Variants in PTPRK observed in about 807,000 individuals in gnomAD.
PTPRK encodes protein tyrosine phosphatase receptor type K.
A neutral mutation model predicts 178.0 loss-of-function variants in PTPRK; 75 were observed. The ratio of observed to expected loss-of-function variants is 0.42; its 90% CI spans 0.35 to 0.51. The LOEUF (loss-of-function observed/expected upper bound fraction) is 0.51. PTPRK is among the 20% of genes least tolerant of loss of function. PTPRK has a pLI of 0.02. For synonymous variants in PTPRK, 637 were observed against 620.6 expected (o/e 1.03, Z -0.39); for missense variants, 1,441 against 1,797.8 (o/e 0.80, Z 3.59).
intron 7 of PTPRK, among the ~76,000 whole-genome samples, chr6:128,124,150 G>T (rs111803170): frequency 0.026 from 3,901 of 151,182 alleles, 74 homozygotes; most frequent in Middle Eastern, 0.093. Context: ...TTCAAGCAAT[G>T]CTCCTGTGTC....
chr6:128,272,334 C>A (rs1026316330), intron 3 of PTPRK, among the ~76,000 whole-genome samples: 39 of 152,098 alleles, frequency 2.6e-4, no homozygotes, highest in Admixed American at 8.5e-4. Context: ...AAAGCAATGG[C>A]AACAAAAGCC....
At chr6:128,490,984 G>C (rs982221077) in intron 1 of PTPRK, among the ~76,000 whole-genome samples, 3 of 152,150 alleles carry the variant, frequency 2.0e-5, no homozygotes, top group African/African-American at 7.2e-5. Flanking sequence ...CCTCTTTAAA[G>C]TCCCTACCTC....
At chr6:128,369,095 C>CT (rs1283582274) in intron 2 of PTPRK, among the ~76,000 whole-genome samples, 1 of 84,032 alleles carries the variant, frequency 1.2e-5, no homozygotes, top group Non-Finnish European at 2.7e-5. Context: ...GTCAAGTTTC[C>CT]TGCCTTTAAA....
At chr6:128,122,248 C>T (rs1402311768) in intron 7 of PTPRK, among the ~76,000 whole-genome samples, 1 of 151,912 alleles carries the variant, frequency 6.6e-6, no homozygotes, top group Non-Finnish European at 1.5e-5. Flanking sequence ...CACATGTGTG[C>T]ATGTATAGGG....
At chr6:128,495,441 C>T (rs1018957905) in intron 1 of PTPRK, among the ~76,000 whole-genome samples, 3 of 152,002 alleles carry the variant, frequency 2.0e-5, no homozygotes, top group Non-Finnish European at 4.4e-5. Flanking sequence ...TTTAAATCCT[C>T]GTGGAGGCAA....
chr6:128,237,201 A>G (rs1308799596), intron 5 of PTPRK, among the ~76,000 whole-genome samples: 1 of 152,198 alleles, frequency 6.6e-6, no homozygotes, highest in African/African-American at 2.4e-5. Flanking sequence ...ACTTTAGCCC[A>G]TATTTAGACA....
intron 3 of PTPRK, among the ~76,000 whole-genome samples, chr6:128,284,389 C>G (rs1341464021): frequency 1.3e-5 from 2 of 152,204 alleles, no homozygotes; most frequent in East Asian, 3.9e-4. Flanking sequence ...ATATCCTGGA[C>G]TAATCACATG....
chr6:128,288,978 A>T (rs900360360), intron 3 of PTPRK, among the ~76,000 whole-genome samples: 2 of 152,018 alleles, frequency 1.3e-5, no homozygotes, highest in African/African-American at 4.8e-5. Flanking sequence ...TCTGAATCCC[A>T]TGTTCAGCAA....
At chr6:128,365,069 T>G (rs1164953223) in intron 2 of PTPRK, among the ~76,000 whole-genome samples, 2 of 152,074 alleles carry the variant, frequency 1.3e-5, no homozygotes, top group African/African-American at 2.4e-5. Context: ...TCTGAATAGA[T>G]ATATTTTGAA....
intron 25 of PTPRK, among the ~76,000 whole-genome samples, chr6:127,978,185 G>A (rs1774835499): frequency 6.6e-6 from 1 of 152,138 alleles, no homozygotes; most frequent in Admixed American, 6.5e-5. Flanking sequence ...CGTGCAGCTG[G>A]GATGAGTGTC....
intron 1 of PTPRK, among the ~76,000 whole-genome samples, chr6:128,407,633 C>CAAAAAAAAAAAAAAAAAAAAAAA (rs56189580): frequency 3.1e-5 from 3 of 97,774 alleles, no homozygotes; most frequent in Non-Finnish European, 5.8e-5. Flanking sequence ...AAGACCCTAT[C>CAAAAAAAAAAAAAAAAAAAAAAA]AAAAAAAAAA....
At chr6:128,344,431 T>C (rs1194618535) in intron 2 of PTPRK, among the ~76,000 whole-genome samples, 1 of 152,216 alleles carries the variant, frequency 6.6e-6, no homozygotes, top group Non-Finnish European at 1.5e-5. Flanking sequence ...AAACATAAGA[T>C]GATACCCTAT....
chr6:128,006,021 C>T, intron 14 of PTPRK: 1 of 1,558,584 alleles, frequency 6.4e-7, no homozygotes, highest in Non-Finnish European at 8.8e-7. Context: ...CCATTTTCTA[C>T]TTACAGGTAG....
At position 128,368,414 on chromosome 6, in the gene PTPRK, G is replaced by A. The variant is rs78069722; in HGVS notation, c.223+29152C>T. Among the ~76,000 whole-genome samples the A allele has an allele frequency of 2.0e-3, 302 of 151,184 alleles. 1 individual carries two copies. The highest frequency in any genetic ancestry group is 7.1e-3 in the African/African-American group (294 of 41,190). Reference sequence around the variant, plus strand: ...GAAAAAAAAAAAACGTCAAAGTGCAGACAAATCTGTGACGAGGCCAATGAC... The same window carrying A: ...GAAAAAAAAAAAACGTCAAAGTGCAAACAAATCTGTGACGAGGCCAATGAC... On this transcript the variant is annotated intron_variant, in intron 2 of 29. Coordinates refer to ENST00000368226, the MANE Select transcript of PTPRK (RefSeq NM_002844.4).
intron 11 of PTPRK, among the ~76,000 whole-genome samples, chr6:128,075,534 T>C (rs184595886): frequency 6.6e-6 from 1 of 152,172 alleles, no homozygotes; most frequent in Admixed American, 6.6e-5. Context: ...CCACATTTTC[T>C]AGCTGTTATT....
intron 13 of PTPRK, among the ~76,000 whole-genome samples, chr6:128,057,464 A>C (rs912411513): frequency 1.3e-5 from 2 of 152,202 alleles, no homozygotes; most frequent in African/African-American, 4.8e-5. Flanking sequence ...GGGAGAAGGG[A>C]ATCTTGGCAG....
chr6:128,374,184 G>A (rs774283666), intron 2 of PTPRK, among the ~76,000 whole-genome samples: 10 of 152,096 alleles, frequency 6.6e-5, no homozygotes, highest in Middle Eastern at 3.2e-3. Flanking sequence ...TGATGGCACA[G>A]TCCACTACTG....
Position 128,393,078 on chromosome 6 carries a change from G to A in PTPRK, c.223+4488C>T, listed in dbSNP as rs544506243. On this transcript the variant is annotated intron_variant, in intron 2 of 29. Coordinates refer to ENST00000368226, the MANE Select transcript of PTPRK (RefSeq NM_002844.4). ...TAAAACACAAAAAAATATGGTCTATGTTCATAAGGACTTTTTTTTTTTTTT... is the reference window on the plus strand; with the variant it reads ...TAAAACACAAAAAAATATGGTCTATATTCATAAGGACTTTTTTTTTTTTTT... Among the ~76,000 whole-genome samples the A allele has an allele frequency of 4.2e-5, 6 of 142,476 alleles. No homozygotes were observed. In the South Asian group the frequency reaches 1.1e-3, roughly 26 times the overall value. The allele number at this position is 142,476 out of a possible 152,430, so 93.5% of individuals were successfully genotyped here. A position where few individuals can be genotyped will look rare whatever the true frequency, so the allele number is the denominator to read the frequency against.
At chr6:128,333,426 T>A (rs79723692) in intron 2 of PTPRK, among the ~76,000 whole-genome samples, 3,974 of 152,220 alleles carry the variant, frequency 0.026, 71 homozygotes, top group Middle Eastern at 0.051. Context: ...TCCCACTGCA[T>A]ATTAAAGTTA....
Sources: allele counts gnomAD v4.1 joint callset (sites outside exome capture counted in the v4.1 genomes callset), GRCh38; gene constraint gnomAD v4.1.1; transcripts MANE v1.5; gene names NCBI Gene and HGNC (gene_info 2026-07-23, HGNC 2026-07-21).